LRRC28: variants seen among roughly 807,000 people sequenced by gnomAD.
LRRC28 encodes the protein leucine-rich repeat-containing protein 28.
In LRRC28, 39 loss-of-function variants were observed where a neutral mutation model predicts 45.7. The observed-to-expected ratio is 0.85, with a 90% CI of 0.66 to 1.12. The LOEUF is 1.12. LRRC28 is among the 50% of genes most tolerant of loss of function. The pLI, the probability that LRRC28 is intolerant of heterozygous loss-of-function variation, is 0.00. For synonymous variants in LRRC28, 206 were observed against 178.8 expected (o/e 1.15, Z -1.22); for missense variants, 435 against 438.5 (o/e 0.99, Z 0.07).
intron 5 of LRRC28, among the ~76,000 whole-genome samples, chr15:99,301,335 C>T (rs1057451203): frequency 5.9e-5 from 9 of 152,266 alleles, no homozygotes; most frequent in Non-Finnish European, 1.3e-4. Flanking sequence ...ATCAGAGTTA[C>T]TAATAATTTT....
chr15:99,354,499 TA>T (rs1352960299), intron 7 of LRRC28, among the ~76,000 whole-genome samples: 1 of 152,168 alleles, frequency 6.6e-6, no homozygotes, highest in Non-Finnish European at 1.5e-5. Flanking sequence ...GGGGGAAATC[TA>T]GTAAAAGGAC....
intron 3 of LRRC28, among the ~76,000 whole-genome samples, chr15:99,284,388 C>G (rs1165738977): frequency 6.6e-6 from 1 of 152,130 alleles, no homozygotes; most frequent in African/African-American, 2.4e-5. Context: ...CTTTGTTGGA[C>G]TGCTTTACAC....
intron 9 of LRRC28, among the ~76,000 whole-genome samples, chr15:99,369,856 G>A (rs1220109846): frequency 6.6e-6 from 1 of 152,122 alleles, no homozygotes; most frequent in Non-Finnish European, 1.5e-5. Context: ...CATATTGCTG[G>A]GTTAAGCTTT....
In LRRC28 at chr15:99,352,480, G is replaced by C. The variant is rs182994734; in HGVS notation, c.695+9G>C. 66 of 1,595,808 alleles carry C rather than the reference G, an allele frequency of 4.1e-5. No individual in the cohort carries two copies. Among genetic ancestry groups the C allele is most frequent in the Non-Finnish European group, 5.0e-5 (59 of 1,169,430 alleles). ...GTCATCGGGTGCAGTGGGTAAGGCC[G>C]ATTTCACATTTTGAACTAAAAAATA... On this transcript the variant is annotated intron_variant, in intron 7 of 9. Coordinates refer to ENST00000301981, the MANE Select transcript of LRRC28 (RefSeq NM_144598.5).
chr15:99,361,982 A>C (rs771585545), intron 8 of LRRC28, among the ~76,000 whole-genome samples: 1 of 152,200 alleles, frequency 6.6e-6, no homozygotes, highest in African/African-American at 2.4e-5. Context: ...GCATCTCAGC[A>C]ATATGTAGAC....
intron 2 of LRRC28, among the ~76,000 whole-genome samples, chr15:99,264,281 G>T (rs946899110): frequency 5.9e-5 from 9 of 152,214 alleles, no homozygotes; most frequent in African/African-American, 2.2e-4. Flanking sequence ...GTGGTCACCT[G>T]CAGGCGACTA....
At chr15:99,311,285 G>T (rs1955400531) in intron 5 of LRRC28, among the ~76,000 whole-genome samples, 1 of 152,114 alleles carries the variant, frequency 6.6e-6, no homozygotes, top group Non-Finnish European at 1.5e-5. Flanking sequence ...GAAATCTTTG[G>T]ATTTTAGAGC....
intron 5 of LRRC28, chr15:99,331,915 C>T (rs565237997): frequency 1.3e-5 from 2 of 152,124 alleles, no homozygotes; most frequent in East Asian, 3.8e-4. Context: ...AGAGTTTCTC[C>T]AAGCCTTCAC....
intron 6 of LRRC28, 144 bp downstream of exon 6, chr15:99,334,273 C>T (rs999096660): frequency 9.5e-6 from 8 of 842,276 alleles, no homozygotes; most frequent in South Asian, 5.3e-5. Flanking sequence ...GTGAACAAAG[C>T]GTCATTCCTA....
chr15:99,358,151 TTA>T (rs1957097893), intron 7 of LRRC28, among the ~76,000 whole-genome samples: 1 of 152,294 alleles, frequency 6.6e-6, no homozygotes, highest in South Asian at 2.1e-4. Context: ...CAGCTTTTCT[TTA>T]TGTCTTCGTA....
intron 5 of LRRC28, among the ~76,000 whole-genome samples, chr15:99,322,419 G>T (rs899670393): frequency 2.0e-5 from 3 of 152,084 alleles, no homozygotes; most frequent in Non-Finnish European, 4.4e-5. Context: ...AACAGTAGAG[G>T]TCTCGGAGAG....
intron 9 of LRRC28, among the ~76,000 whole-genome samples, chr15:99,365,051 CA>C (rs920278448): frequency 3.3e-5 from 5 of 152,128 alleles, no homozygotes. Flanking sequence ...TCAGGATGCT[CA>C]GTAGCCAATC....
intron 5 of LRRC28, among the ~76,000 whole-genome samples, chr15:99,314,824 A>G (rs1385591292): frequency 2.6e-5 from 4 of 152,224 alleles, no homozygotes; most frequent in Admixed American, 2.0e-4. Flanking sequence ...TAGTGCAAGC[A>G]TACATACAGA....
At chr15:99,262,892 C>T (rs565261163) in intron 2 of LRRC28, among the ~76,000 whole-genome samples, 1 of 151,820 alleles carries the variant, frequency 6.6e-6, no homozygotes, top group African/African-American at 2.4e-5. Context: ...TCAAGTGATA[C>T]TCCTGCCTTA....
chr15:99,312,696 G>A (rs913075097), intron 5 of LRRC28, among the ~76,000 whole-genome samples: 3 of 152,174 alleles, frequency 2.0e-5, no homozygotes, highest in Admixed American at 6.5e-5. Context: ...TCACAAACAC[G>A]TGAGTAATGA....
At chr15:99,333,672 T>C in intron 5 of LRRC28, 1 of 527,608 alleles carries the variant, frequency 1.9e-6, no homozygotes, top group South Asian at 2.2e-5. Context: ...CTCACCACTT[T>C]GTGTCTCTTT....
At chr15:99,266,605 A>G (rs2081339383) in intron 2 of LRRC28, among the ~76,000 whole-genome samples, 1 of 152,236 alleles carries the variant, frequency 6.6e-6, no homozygotes, top group South Asian at 2.1e-4. Flanking sequence ...TATCTAGCAA[A>G]ACTACATGGA....
chr15:99,363,986 A>G (rs570381076), intron 9 of LRRC28, among the ~76,000 whole-genome samples: 37 of 152,194 alleles, frequency 2.4e-4, no homozygotes, highest in Non-Finnish European at 4.4e-4. Context: ...ATCACCATCA[A>G]ATGTATTTCA....
At chr15:99,371,035 G>C (rs1012948793) in intron 9 of LRRC28, among the ~76,000 whole-genome samples, 1 of 152,216 alleles carries the variant, frequency 6.6e-6, no homozygotes, top group African/African-American at 2.4e-5. Context: ...GAACCTGGGA[G>C]ACAGAGGTTG....
Sources: allele counts gnomAD v4.1 joint callset (sites outside exome capture counted in the v4.1 genomes callset), GRCh38; gene constraint gnomAD v4.1.1; transcripts MANE v1.5; gene names NCBI Gene and HGNC (gene_info 2026-07-23, HGNC 2026-07-21).